TMEM232: variants seen among roughly 807,000 people sequenced by gnomAD.
TMEM232 encodes the protein transmembrane protein 232.
Under a neutral mutation model 78.8 loss-of-function variants are expected in TMEM232, and 80 were observed. The ratio of observed to expected loss-of-function variants is 1.01; its 90% CI spans 0.85 to 1.22. The LOEUF is 1.22. Ranked by LOEUF, TMEM232 falls within the 50% of genes most tolerant of loss-of-function variation. The pLI is 0.00. For synonymous variants in TMEM232, 297 were observed against 254.3 expected (o/e 1.17, Z -1.60); for missense variants, 881 against 742.2 (o/e 1.19, Z -2.17).
At chr5:110,606,344 C>A (rs1781541098) in intron 8 of TMEM232, 57 bp from the exon 9 acceptor site, 1 of 1,422,804 alleles carries the variant, frequency 7.0e-7, no homozygotes. Context: ...TAATAATAAT[C>A]AACTTTTAAT....
chr5:110,500,695 A>C (rs949726873), intron 12 of TMEM232, among the ~76,000 whole-genome samples: 21 of 152,190 alleles, frequency 1.4e-4, no homozygotes, highest in Admixed American at 1.3e-4. Context: ...TATAAGGGAA[A>C]AAAGCAATAA....
intron 12 of TMEM232, among the ~76,000 whole-genome samples, chr5:110,524,488 T>C (rs1770267232): frequency 6.6e-6 from 1 of 151,982 alleles, no homozygotes; most frequent in Non-Finnish European, 1.5e-5. Context: ...TACATATTTG[T>C]GAATGTTTTT....
At chr5:110,670,066 T>C (rs1300465901) in intron 1 of TMEM232, among the ~76,000 whole-genome samples, 1 of 152,154 alleles carries the variant, frequency 6.6e-6, no homozygotes, top group Non-Finnish European at 1.5e-5. Context: ...CTTTGAAAAC[T>C]GGCACAAGAC....
chr5:110,573,769 T>A (rs563265218), intron 10 of TMEM232, among the ~76,000 whole-genome samples: 116 of 152,166 alleles, frequency 7.6e-4, no homozygotes, highest in Non-Finnish European at 1.4e-3. Context: ...GAAGAGTTAA[T>A]CATTGAAGGA....
intron 12 of TMEM232, among the ~76,000 whole-genome samples, chr5:110,438,296 G>C (rs1758654145): frequency 6.6e-6 from 1 of 151,250 alleles, no homozygotes; most frequent in Non-Finnish European, 1.5e-5. Flanking sequence ...CCTTCAGCTT[G>C]GTCAGGTTTG....
chr5:110,575,725 C>A (rs974756350), intron 10 of TMEM232, among the ~76,000 whole-genome samples: 2 of 152,116 alleles, frequency 1.3e-5, no homozygotes, highest in South Asian at 2.1e-4. Flanking sequence ...AAACCTCCCC[C>A]ACTCAGAGAA....
chr5:110,439,277 C>T (rs906136101), intron 12 of TMEM232, among the ~76,000 whole-genome samples: 5 of 152,136 alleles, frequency 3.3e-5, no homozygotes, highest in Non-Finnish European at 7.3e-5. Context: ...AAAGAACTTG[C>T]TCTCAACTTG....
chr5:110,531,142 A>ACC (rs201787928), intron 11 of TMEM232, among the ~76,000 whole-genome samples: 6 of 151,054 alleles, frequency 4.0e-5, no homozygotes, highest in Non-Finnish European at 5.9e-5. Context: ...GCACCCTGTG[A>ACC]CCCCCACTTC....
At chr5:110,738,407 C>T (rs114440759), upstream of TMEM232, among the ~76,000 whole-genome samples, 1,155 of 152,168 alleles carry the variant, frequency 7.6e-3, 13 homozygotes, top group African/African-American at 0.025. Flanking sequence ...AAAAGGAAAA[C>T]GCGTAATTTC....
At chr5:110,448,210 A>C (rs1272678363) in intron 12 of TMEM232, among the ~76,000 whole-genome samples, 1 of 152,092 alleles carries the variant, frequency 6.6e-6, no homozygotes, top group Non-Finnish European at 1.5e-5. Flanking sequence ...TGAAATAATT[A>C]ATTTTTGCTC....
At chr5:110,701,372 T>C (rs1580723937) in intron 1 of TMEM232, among the ~76,000 whole-genome samples, 2 of 152,072 alleles carry the variant, frequency 1.3e-5, no homozygotes, top group South Asian at 2.1e-4. Context: ...GAAGCTGTAA[T>C]AGGAATAAAA....
intron 1 of TMEM232, among the ~76,000 whole-genome samples, chr5:110,677,506 A>G (rs1219041082): frequency 6.6e-6 from 1 of 152,228 alleles, no homozygotes; most frequent in Non-Finnish European, 1.5e-5. Flanking sequence ...CTCATAATTT[A>G]GCAATTATCA....
intron 12 of TMEM232, among the ~76,000 whole-genome samples, chr5:110,511,649 G>A (rs911516990): frequency 2.0e-5 from 3 of 151,874 alleles, no homozygotes; most frequent in African/African-American, 7.3e-5. Context: ...AACCTAAAAC[G>A]AAGGTGTTAT....
chr5:110,667,414 C>A, intron 1 of TMEM232, 50 bp from the exon 2 acceptor site: 13 of 1,323,882 alleles, frequency 9.8e-6, no homozygotes, highest in South Asian at 5.4e-5. Context: ...CTCATAGTAT[C>A]AAACAACATG....
chr5:110,393,061 A>C (rs182491536), intron 3 of TMEM232, among the ~76,000 whole-genome samples: 2 of 152,312 alleles, frequency 1.3e-5, no homozygotes, highest in East Asian at 3.9e-4. Context: ...ATTATTTTAA[A>C]TTTATTGATG....
intron 1 of TMEM232, among the ~76,000 whole-genome samples, chr5:110,679,106 T>G (rs565192603): frequency 2.0e-5 from 3 of 152,230 alleles, no homozygotes; most frequent in South Asian, 4.1e-4. Context: ...ACCACCAAAT[T>G]GTCTTCCAAA....
chr5:110,633,715 G>A (rs1248709921), intron 5 of TMEM232, among the ~76,000 whole-genome samples: 1 of 152,128 alleles, frequency 6.6e-6, no homozygotes, highest in Non-Finnish European at 1.5e-5. Context: ...CAGCCACGCA[G>A]AACTGTGAGT....
chr5:110,413,209 G>A (rs1756062179), intron 2 of TMEM232, among the ~76,000 whole-genome samples: 1 of 152,172 alleles, frequency 6.6e-6, no homozygotes, highest in South Asian at 2.1e-4. Context: ...GGAAGGACTA[G>A]ACTGGCTGAG....
chr5:110,521,104 C>T (rs1386142113), intron 12 of TMEM232, among the ~76,000 whole-genome samples: 1 of 151,986 alleles, frequency 6.6e-6, no homozygotes, highest in Non-Finnish European at 1.5e-5. Flanking sequence ...ATGTCTAAGG[C>T]CTTGTTGTGG....
Sources: gnomAD v4.1 joint callset for allele counts (sites outside exome capture counted in the v4.1 genomes callset) on GRCh38, gnomAD v4.1.1 for gene constraint, MANE v1.5 for transcripts, NCBI Gene and HGNC (gene_info 2026-07-23, HGNC 2026-07-21) for gene names.